The following CDKAL1 variants were observed in gnomAD, a reference collection of about 807,000 sequenced individuals.
CDKAL1 encodes the protein CDKAL1 threonylcarbamoyladenosine tRNA methylthiotransferase.
In CDKAL1, 32 loss-of-function variants were observed where a neutral mutation model predicts 68.2. The observed-to-expected ratio is 0.47, with a 90% CI of 0.35 to 0.63. The LOEUF is 0.63. CDKAL1 is among the 30% of genes least tolerant of loss of function. The pLI, the probability that CDKAL1 is intolerant of heterozygous loss-of-function variation, is 0.00. For missense variants in CDKAL1, 606 were observed against 696.7 expected (o/e 0.87, Z 1.47); for synonymous variants, 234 against 244.3 (o/e 0.96, Z 0.39).
At chr6:20,635,858 A>G (rs1321637688) in intron 4 of CDKAL1, among the ~76,000 whole-genome samples, 1 of 152,258 alleles carries the variant, frequency 6.6e-6, no homozygotes, top group Non-Finnish European at 1.5e-5. Context: ...TCACAAGGAA[A>G]TGAAGACCCA....
At chr6:20,818,005 C>A (rs1032994263) in intron 8 of CDKAL1, among the ~76,000 whole-genome samples, 1 of 152,076 alleles carries the variant, frequency 6.6e-6, no homozygotes, top group African/African-American at 2.4e-5. Flanking sequence ...CCACTCTGAC[C>A]CCCATCAGTC....
At chr6:20,787,188 A>G (rs548514599) in intron 8 of CDKAL1, among the ~76,000 whole-genome samples, 1 of 152,314 alleles carries the variant, frequency 6.6e-6, no homozygotes, top group South Asian at 2.1e-4. Flanking sequence ...AGACAGACAT[A>G]TGGTGGTAAC....
intron 4 of CDKAL1, among the ~76,000 whole-genome samples, chr6:20,639,635 GA>G (rs1420077608): frequency 5.3e-5 from 8 of 152,118 alleles, no homozygotes; most frequent in Non-Finnish European, 1.0e-4. Flanking sequence ...GAAATGTAAA[GA>G]AAAAAATTAA....
chr6:20,876,099 G>A (rs1406939733), intron 9 of CDKAL1, among the ~76,000 whole-genome samples: 1 of 152,250 alleles, frequency 6.6e-6, no homozygotes, highest in Non-Finnish European at 1.5e-5. Context: ...AATGTAGGCA[G>A]TGTTTTACCA....
rs952519647 is a variant in CDKAL1 at position 20,941,012 on chromosome 6, G to A, written c.743-14407G>A. Among the ~76,000 whole-genome samples, 18 of 152,076 alleles carry A rather than the reference G, an allele frequency of 1.2e-4. No homozygotes were observed. In the East Asian group the frequency reaches 2.9e-3, roughly 25 times the overall value. On this transcript the variant is annotated intron_variant, in intron 9 of 15. Transcript: ENST00000274695. ...GGCTGAGGCAGAATGCTGTGAACCC[G>A]GGAGGTGGAGCTTGCAGTGAGCCAA... is the stretch of plus-strand genomic sequence containing the variant.
intron 10 of CDKAL1, among the ~76,000 whole-genome samples, chr6:20,977,752 T>A (rs977456165): frequency 1.3e-5 from 2 of 152,012 alleles, no homozygotes; most frequent in East Asian, 1.9e-4. Flanking sequence ...GTGATGCACA[T>A]GTGTAGTCCC....
chr6:20,898,781 A>G (rs181810808), intron 9 of CDKAL1, among the ~76,000 whole-genome samples: 172 of 152,246 alleles, frequency 1.1e-3, no homozygotes, highest in Middle Eastern at 3.4e-3. Context: ...AAAATTCCCT[A>G]TTTAAAATAA....
rs576137341 is a variant in CDKAL1 at position 21,200,078 on chromosome 6, A to G, written c.1384-1032A>G. ...GAAGATTGTATCTAGATATCCAAGT[A>G]TTACTGGATTAGAACTGGTCTATTT... is the stretch of plus-strand genomic sequence containing the variant. On this transcript the variant is annotated intron_variant, in intron 14 of 15. Coordinates refer to ENST00000274695, the MANE Select transcript of CDKAL1 (RefSeq NM_017774.3). Among the ~76,000 whole-genome samples the G allele has an allele frequency of 1.4e-4, 21 of 152,342 alleles. No homozygotes were observed. In the East Asian group the frequency reaches 2.1e-3, roughly 15 times the overall value.
At chr6:20,984,397 C>T (rs1422856200) in intron 10 of CDKAL1, among the ~76,000 whole-genome samples, 2 of 152,102 alleles carry the variant, frequency 1.3e-5, no homozygotes, top group East Asian at 3.9e-4. Context: ...CATGGAGGCC[C>T]TGCAGCAGTT....
intron 9 of CDKAL1, among the ~76,000 whole-genome samples, chr6:20,912,815 T>C (rs145932361): frequency 1.3e-5 from 2 of 152,264 alleles, no homozygotes; most frequent in East Asian, 3.9e-4. Context: ...TACTCCCTCT[T>C]ACAGAATTTA....
intron 4 of CDKAL1, among the ~76,000 whole-genome samples, chr6:20,613,151 C>T (rs1215638191): frequency 6.7e-6 from 1 of 148,900 alleles, no homozygotes; most frequent in Non-Finnish European, 1.5e-5. Flanking sequence ...ATATAATACA[C>T]ATGATTTTCA....
At chr6:20,758,461 G>A (rs1774324536) in intron 6 of CDKAL1, 134 bp from the exon 7 acceptor site, 2 of 616,638 alleles carry the variant, frequency 3.2e-6, no homozygotes, top group East Asian at 2.8e-5. Flanking sequence ...TTTTTATAGT[G>A]TCTCCAAATA....
intron 9 of CDKAL1, among the ~76,000 whole-genome samples, chr6:20,954,207 C>T (rs1348644193): frequency 6.6e-6 from 1 of 152,030 alleles, no homozygotes; most frequent in Admixed American, 6.6e-5. Flanking sequence ...CCTCATGGAA[C>T]ATATTAAGAG....
chr6:20,714,816 A>C (rs1772016030), intron 5 of CDKAL1, among the ~76,000 whole-genome samples: 1 of 152,234 alleles, frequency 6.6e-6, no homozygotes, highest in African/African-American at 2.4e-5. Flanking sequence ...GAGTTTATAG[A>C]GTATAACCTC....
Sources: allele counts gnomAD v4.1 joint callset (sites outside exome capture counted in the v4.1 genomes callset), GRCh38; gene constraint gnomAD v4.1.1; transcripts MANE v1.5; gene names NCBI Gene and HGNC (gene_info 2026-07-23, HGNC 2026-07-21).